SYNPO2: variants seen among roughly 807,000 people sequenced by gnomAD.
SYNPO2 encodes the protein synaptopodin-2.
SYNPO2 carries 56 observed loss-of-function variants against 85.0 expected under a neutral mutation model. The observed-to-expected ratio is 0.66, with a 90% CI of 0.53 to 0.82. The LOEUF (loss-of-function observed/expected upper bound fraction) is 0.82. SYNPO2 is among the 40% of genes least tolerant of loss of function. The pLI is 0.00. For synonymous variants in SYNPO2, 602 were observed against 591.1 expected, an observed-to-expected ratio of 1.02 and a Z score of -0.27; for missense variants, 1,575 against 1,534.2, an observed-to-expected ratio of 1.03 and a Z score of -0.44.
intron 1 of SYNPO2, among the ~76,000 whole-genome samples, chr4:119,004,155 T>C (rs891173928): frequency 3.9e-5 from 6 of 152,208 alleles, no homozygotes; most frequent in Non-Finnish European, 4.4e-5. Context: ...GTATTGTTTG[T>C]TTGGCTTTCT....
In SYNPO2 at chr4:119,030,451, A is replaced by G. The variant is rs778835450; in HGVS notation, c.1676A>G (p.His559Arg). 4.3e-6 allele frequency: 7 copies of G among 1,614,078 alleles called. No homozygotes were observed. Among genetic ancestry groups the G allele is most frequent in the South Asian group, 1.1e-5 (1 of 91,090 alleles). Residue 559 changes from histidine to arginine, a missense_variant, in exon 4 of 5, where the codon CAT (histidine) becomes CGT (arginine). Physicochemically the swap from His to Arg is conservative, Grantham distance 29 (BLOSUM62 0). Coordinates refer to ENST00000307142, the MANE Select transcript of SYNPO2 (RefSeq NM_133477.3). ...SVSKSYIEVS[H>R]GLGHVPQQNG... is the part of the protein sequence containing the mutation. The stretch of plus-strand genomic sequence containing the variant: ...AGCAAAAGCTACATCGAGGTGAGTC[A>G]TGGTCTTGGCCATGTTCCCCAACAG...
upstream of SYNPO2, among the ~76,000 whole-genome samples, chr4:118,884,016 A>G (rs1457688020): frequency 1.3e-5 from 2 of 152,198 alleles, no homozygotes; most frequent in African/African-American, 4.8e-5. Context: ...CAAGCCCCAT[A>G]AGGGTGACAC....
At chr4:119,056,925 G>T (rs1192807208) in intron 4 of SYNPO2, among the ~76,000 whole-genome samples, 1 of 152,160 alleles carries the variant, frequency 6.6e-6, no homozygotes, top group Non-Finnish European at 1.5e-5. Flanking sequence ...AGAGTAAAAA[G>T]CTCAGTAATG....
intron 1 of SYNPO2, among the ~76,000 whole-genome samples, chr4:118,971,374 T>C (rs889847453): frequency 6.6e-6 from 1 of 152,134 alleles, no homozygotes; most frequent in African/African-American, 2.4e-5. Flanking sequence ...ATCTCAAAGG[T>C]CCCAAATGTT....
chr4:119,016,534 T>C (rs999357765), intron 1 of SYNPO2, among the ~76,000 whole-genome samples: 1 of 152,254 alleles, frequency 6.6e-6, no homozygotes, highest in Non-Finnish European at 1.5e-5. Context: ...AAATTTTACA[T>C]GTGCTTTTAT....
intron 1 of SYNPO2, among the ~76,000 whole-genome samples, chr4:118,919,757 G>A (rs1578550418): frequency 1.3e-5 from 2 of 152,140 alleles, no homozygotes; most frequent in South Asian, 2.1e-4. Flanking sequence ...GAAAGTGTTC[G>A]AGGCAACAGC....
intron 4 of SYNPO2, among the ~76,000 whole-genome samples, chr4:119,046,557 T>C (rs1738873967): frequency 6.6e-6 from 1 of 152,212 alleles, no homozygotes; most frequent in Non-Finnish European, 1.5e-5. Context: ...GAACAAAAGG[T>C]CCTGCCAGGT....
At chr4:118,933,569 T>C (rs183071014) in intron 1 of SYNPO2, among the ~76,000 whole-genome samples, 2 of 152,318 alleles carry the variant, frequency 1.3e-5, no homozygotes, top group African/African-American at 4.8e-5. Flanking sequence ...CATAGATAAG[T>C]AAGGATGATA....
chr4:119,049,969 ACC>A (rs1028456012), intron 4 of SYNPO2, among the ~76,000 whole-genome samples: 1 of 152,142 alleles, frequency 6.6e-6, no homozygotes, highest in Non-Finnish European at 1.5e-5. Context: ...AATTTAAATG[ACC>A]TTTTCCAAAA....
At chr4:118,899,045 G>A (rs1213088788) in intron 1 of SYNPO2, among the ~76,000 whole-genome samples, 1 of 152,212 alleles carries the variant, frequency 6.6e-6, no homozygotes, top group African/African-American at 2.4e-5. Flanking sequence ...GCTCTTCCAT[G>A]TTGCTGTGAT....
At chr4:118,900,707 A>C (rs202077222) in intron 1 of SYNPO2, among the ~76,000 whole-genome samples, 4,114 of 49,772 alleles carry the variant, frequency 0.083, 76 homozygotes, top group South Asian at 0.13. Context: ...CTCTCTCTAT[A>C]TATATATATA....
chr4:118,862,074 G>A (rs539920489), intron 1 of SYNPO2, among the ~76,000 whole-genome samples: 1 of 152,046 alleles, frequency 6.6e-6, no homozygotes, highest in South Asian at 2.1e-4. Flanking sequence ...TTGGTTGATT[G>A]CTAGGTATTT....
At chr4:119,045,985 C>T (rs984324802) in intron 4 of SYNPO2, among the ~76,000 whole-genome samples, 1 of 152,094 alleles carries the variant, frequency 6.6e-6, no homozygotes, top group Non-Finnish European at 1.5e-5. Flanking sequence ...TATAGCTTTA[C>T]TTCTCCAACT....
chr4:118,965,692 C>T (rs570064725), intron 1 of SYNPO2, among the ~76,000 whole-genome samples: 1 of 152,186 alleles, frequency 6.6e-6, no homozygotes, highest in East Asian at 1.9e-4. Context: ...ATGTATCAGG[C>T]ACTATTATCG....
chr4:118,951,258 C>T (rs1250498448), intron 1 of SYNPO2, among the ~76,000 whole-genome samples: 5 of 152,244 alleles, frequency 3.3e-5, no homozygotes, highest in Admixed American at 2.6e-4. Context: ...GGGGAGGGCC[C>T]CTTCTCTGCT....
At chr4:118,876,721 CTTT>C (rs1560813093) in intron 1 of SYNPO2, among the ~76,000 whole-genome samples, 9 of 123,394 alleles carry the variant, frequency 7.3e-5, no homozygotes, top group African/African-American at 2.7e-4. Flanking sequence ...TTCTTTCTTT[CTTT>C]CTTTCTTTCT....
chr4:118,881,934 A>G (rs1197372116), intron 1 of SYNPO2, among the ~76,000 whole-genome samples: 1 of 152,256 alleles, frequency 6.6e-6, no homozygotes, highest in Non-Finnish European at 1.5e-5. Flanking sequence ...GTGATTCTCC[A>G]ATAATCAGAG....
intron 1 of SYNPO2, among the ~76,000 whole-genome samples, chr4:118,863,599 C>T (rs756904135): frequency 6.6e-5 from 10 of 151,926 alleles, no homozygotes; most frequent in Non-Finnish European, 1.5e-4. Flanking sequence ...TTCAAAAAAT[C>T]AACTTTTTGT....
intron 1 of SYNPO2, among the ~76,000 whole-genome samples, chr4:118,963,084 A>T (rs925394846): frequency 2.6e-5 from 4 of 152,184 alleles, no homozygotes; most frequent in Non-Finnish European, 5.9e-5. Context: ...TCTGAGAGTG[A>T]ACTCAATTTG....
Sources: gnomAD v4.1 joint callset for allele counts (sites outside exome capture counted in the v4.1 genomes callset) on GRCh38, gnomAD v4.1.1 for gene constraint, MANE v1.5 for transcripts, NCBI Gene and HGNC (gene_info 2026-07-23, HGNC 2026-07-21) for gene names.